Variants in MACROD2 observed in about 807,000 individuals in gnomAD.
The protein encoded by MACROD2 is ADP-ribose glycohydrolase MACROD2.
Under a neutral mutation model 70.4 loss-of-function variants are expected in MACROD2, and 36 were observed. The ratio of observed to expected loss-of-function variants is 0.51; its 90% CI spans 0.39 to 0.68. The LOEUF is 0.68. MACROD2 is among the 30% of genes least tolerant of loss of function. MACROD2 has a pLI of 0.00. For synonymous variants in MACROD2, 172 were observed against 178.8 expected (o/e 0.96, Z 0.30); for missense variants, 496 against 538.4 (o/e 0.92, Z 0.78).
chr20:15,447,498 A>G (rs1295475209), intron 7 of MACROD2, among the ~76,000 whole-genome samples: 3 of 152,172 alleles, frequency 2.0e-5, no homozygotes, highest in Non-Finnish European at 4.4e-5. Flanking sequence ...AAGTGGGAAG[A>G]TGGGGTTCCC....
At chr20:15,893,099 T>A in intron 10 of MACROD2, 1 of 400,142 alleles carries the variant, frequency 2.5e-6, no homozygotes, top group Admixed American at 4.3e-5. Context: ...CACACTCATG[T>A]TCAGATATTC....
chr20:14,611,561 A>T (rs960360243), intron 4 of MACROD2, among the ~76,000 whole-genome samples: 1 of 151,782 alleles, frequency 6.6e-6, no homozygotes, highest in East Asian at 1.9e-4. Flanking sequence ...GATCTTCAAA[A>T]GGGAAAGACA....
intron 5 of MACROD2, among the ~76,000 whole-genome samples, chr20:14,934,270 C>T (rs1016682161): frequency 1.3e-5 from 2 of 152,130 alleles, no homozygotes; most frequent in Non-Finnish European, 2.9e-5. Flanking sequence ...GTATGGAGAG[C>T]CATGGGACTA....
intron 3 of MACROD2, among the ~76,000 whole-genome samples, chr20:14,391,518 C>T (rs1378539320): frequency 1.3e-5 from 2 of 151,858 alleles, no homozygotes; most frequent in African/African-American, 4.8e-5. Context: ...AACTAATGGG[C>T]ACTAGGCTTA....
intron 4 of MACROD2, among the ~76,000 whole-genome samples, chr20:14,500,616 C>G (rs2084905884): frequency 6.6e-6 from 1 of 152,198 alleles, no homozygotes; most frequent in East Asian, 1.9e-4. Flanking sequence ...CTGCCTTGAA[C>G]TCTTCTATTG....
chr20:14,371,248 G>C (rs952623807), intron 3 of MACROD2, among the ~76,000 whole-genome samples: 1 of 152,150 alleles, frequency 6.6e-6, no homozygotes, highest in Non-Finnish European at 1.5e-5. Context: ...TCTTTGGTAG[G>C]CTGAGGTGGG....
rs1283038517 is a variant in MACROD2 at position 15,481,076 on chromosome 20, G to T, written c.572-18698G>T. Among the ~76,000 whole-genome samples the T allele has an allele frequency of 7.9e-5, 12 of 152,190 alleles. No individual in the cohort carries two copies. In the East Asian group the frequency reaches 2.3e-3, roughly 29 times the overall value. The stretch of plus-strand genomic sequence containing the variant: ...TCTAACCATAGCATTCTTCAAACAT[G>T]AAGGACCACACGTATTTAATATTTA... On this transcript the variant is annotated intron_variant, in intron 7 of 17. Transcript: ENST00000684519.
chr20:15,070,221 G>A (rs1036167738), intron 5 of MACROD2, among the ~76,000 whole-genome samples: 2 of 152,142 alleles, frequency 1.3e-5, no homozygotes, highest in African/African-American at 4.8e-5. Context: ...TAATGGGATT[G>A]TTTACCCAAT....
chr20:15,439,155 G>A (rs879423607), intron 7 of MACROD2, among the ~76,000 whole-genome samples: 3 of 152,096 alleles, frequency 2.0e-5, no homozygotes, highest in African/African-American at 7.2e-5. Context: ...TGGTCACTCA[G>A]GAACATACAG....
chr20:15,156,592 G>C (rs1022168310), intron 5 of MACROD2, among the ~76,000 whole-genome samples: 4 of 152,230 alleles, frequency 2.6e-5, no homozygotes, highest in Non-Finnish European at 5.9e-5. Flanking sequence ...CTTTCTACCA[G>C]ATCTCCTACC....
At chr20:15,935,811 AC>A (rs1305767261) in intron 11 of MACROD2, among the ~76,000 whole-genome samples, 2 of 152,246 alleles carry the variant, frequency 1.3e-5, no homozygotes, top group Non-Finnish European at 2.9e-5. Context: ...CAAACAATAA[AC>A]AAATAAAAAT....
At chr20:15,598,354 G>A (rs2048773262) in intron 8 of MACROD2, among the ~76,000 whole-genome samples, 1 of 152,146 alleles carries the variant, frequency 6.6e-6, no homozygotes, top group Non-Finnish European at 1.5e-5. Flanking sequence ...AGGGAAGAAT[G>A]CCTTTCTCTA....
intron 6 of MACROD2, among the ~76,000 whole-genome samples, chr20:15,339,727 C>T (rs2078086844): frequency 6.6e-6 from 1 of 151,630 alleles, no homozygotes; most frequent in Admixed American, 6.6e-5. Context: ...TTATGGAACA[C>T]TTAGAAAATT....
chr20:15,917,182 T>A (rs567803961), intron 10 of MACROD2, among the ~76,000 whole-genome samples: 1 of 152,306 alleles, frequency 6.6e-6, no homozygotes, highest in Non-Finnish European at 1.5e-5. Context: ...TTTCTGTGTC[T>A]CTCAAATTTC....
At chr20:15,753,600 A>G (rs113039568) in intron 8 of MACROD2, among the ~76,000 whole-genome samples, 25 of 152,330 alleles carry the variant, frequency 1.6e-4, no homozygotes, top group African/African-American at 5.5e-4. Context: ...TCTTTGTGGT[A>G]GAATGATTTA....
chr20:15,894,692 A>G (rs964210168), intron 10 of MACROD2, among the ~76,000 whole-genome samples: 1 of 152,244 alleles, frequency 6.6e-6, no homozygotes, highest in African/African-American at 2.4e-5. Flanking sequence ...CTGGCCTAGC[A>G]CTGGCCTGGC....
rs79942948 is a variant in MACROD2 at position 14,796,018 on chromosome 20, C to A, written c.418+111059C>A. ...AGATTTCCATTGACCTTGACATGAA[C>A]AGTTCCACATTATATGAAGTTTTAT... On this transcript the variant is annotated intron_variant, in intron 5 of 17. Coordinates refer to ENST00000684519, the MANE Select transcript of MACROD2 (RefSeq NM_001351661.2). Among the ~76,000 whole-genome samples the A allele has an allele frequency of 5.7e-3, 861 of 152,194 alleles. 19 individuals are homozygous for A. Among genetic ancestry groups the A allele is most frequent in the African/African-American group, 0.019 (794 of 41,506 alleles).
At chr20:14,100,808 T>TG (rs1201093620) in intron 3 of MACROD2, among the ~76,000 whole-genome samples, 1,917 of 135,042 alleles carry the variant, frequency 0.014, 44 homozygotes, top group African/African-American at 0.049. Context: ...ATATGATATA[T>TG]AATCATATAT....
intron 5 of MACROD2, among the ~76,000 whole-genome samples, chr20:14,833,557 T>C (rs2072995160): frequency 6.6e-6 from 1 of 152,142 alleles, no homozygotes; most frequent in Admixed American, 6.5e-5. Flanking sequence ...ATTCTGGTAA[T>C]AATCCTGAAG....
Sources: allele counts gnomAD v4.1 joint callset (sites outside exome capture counted in the v4.1 genomes callset), GRCh38; gene constraint gnomAD v4.1.1; transcripts MANE v1.5; gene names NCBI Gene and HGNC (gene_info 2026-07-23, HGNC 2026-07-21).